Variants in ST18 observed in about 807,000 individuals in gnomAD.
The protein encoded by ST18 is ST18 C2H2C-type zinc finger transcription factor.
ST18 carries 50 observed loss-of-function variants against 110.0 expected under a neutral mutation model. That is an observed-to-expected ratio of 0.45 (90% CI 0.36 to 0.58). ST18 has a LOEUF of 0.58. Ranked by LOEUF, ST18 falls within the 20% of genes least tolerant of loss-of-function variation. The probability of loss-of-function intolerance (pLI) is 0.00; values close to 1 mark genes in which losing one functional copy is unlikely to be tolerated. For synonymous variants in ST18, 461 were observed against 452.4 expected (o/e 1.02, Z -0.24); for missense variants, 1,306 against 1,280.1 (o/e 1.02, Z -0.31).
rs749789390 is a variant in ST18 at position 52,354,015 on chromosome 8, C to T, written c.-465+55313G>A. On this transcript the variant is annotated intron_variant, in intron 2 of 25. Coordinates refer to ENST00000689386, the MANE Select transcript of ST18 (RefSeq NM_001352837.2). ...ACTCCACCTGCTGAACAGCGTCTTC[C>T]GAATCCAGGCCTTCACTCTCCCAGC... Among the ~76,000 whole-genome samples the T allele has an allele frequency of 4.5e-4, 69 of 152,356 alleles. 1 individual carries two copies. Among genetic ancestry groups the T allele is most frequent in the Middle Eastern group, 6.8e-3 (2 of 294 alleles).
At position 52,178,631 on chromosome 8, in the gene ST18, A is replaced by AC. The variant is rs1180881014; in HGVS notation, c.277+1490_277+1491insG. Among the ~76,000 whole-genome samples the AC allele has an allele frequency of 4.6e-4, 60 of 131,136 alleles. 8 individuals carry two copies. Among genetic ancestry groups the AC allele is most frequent in the African/African-American group, 2.0e-3 (59 of 29,086 alleles). The allele number at this position is 131,136 out of a possible 152,430, so 86.0% of individuals were successfully genotyped here. Reference sequence around the variant, plus strand: ...GACTCCATCAAAAAAAAAAAAAAAAAAAAAAAAAAAAACCACCAAAAACCA... The same window carrying AC: ...GACTCCATCAAAAAAAAAAAAAAAAACAAAAAAAAAAAACCACCAAAAACCA... On this transcript the variant is annotated intron_variant, in intron 9 of 25. Transcript: ENST00000689386.
At chr8:52,356,447 C>G (rs1025769625) in intron 2 of ST18, among the ~76,000 whole-genome samples, 2 of 152,242 alleles carry the variant, frequency 1.3e-5, no homozygotes, top group South Asian at 4.1e-4. Context: ...TGTCACTAAA[C>G]AAGCAAACAG....
chr8:52,127,812 TA>T (rs11295842), intron 22 of ST18, among the ~76,000 whole-genome samples: 43,702 of 143,672 alleles, frequency 0.3, 8,846 homozygotes, highest in African/African-American at 0.59. Context: ...AATCTTAAAT[TA>T]AAAAAAAAAA....
chr8:52,365,888 T>C (rs1232407431), intron 2 of ST18, among the ~76,000 whole-genome samples: 1 of 150,400 alleles, frequency 6.6e-6, no homozygotes, highest in African/African-American at 2.5e-5. Flanking sequence ...TTTGTAGAGA[T>C]AGGGGTCTCA....
chr8:52,394,559 TTA>T (rs1210876898), intron 2 of ST18, among the ~76,000 whole-genome samples: 1 of 151,774 alleles, frequency 6.6e-6, no homozygotes, highest in African/African-American at 2.4e-5. Context: ...CAAGAAAGAT[TTA>T]TTTTTATCCT....
At chr8:52,169,172 A>T (rs1428525539) in intron 10 of ST18, among the ~76,000 whole-genome samples, 7 of 152,152 alleles carry the variant, frequency 4.6e-5, no homozygotes, top group Non-Finnish European at 7.3e-5. Flanking sequence ...AGATGCAGGG[A>T]AATGCTCTGG....
At chr8:52,355,027 A>C (rs551663032) in intron 2 of ST18, among the ~76,000 whole-genome samples, 1 of 152,314 alleles carries the variant, frequency 6.6e-6, no homozygotes, top group East Asian at 1.9e-4. Context: ...GACTCCTCAT[A>C]GCTCTAGAGG....
At chr8:52,347,576 T>C (rs1273542926) in intron 2 of ST18, among the ~76,000 whole-genome samples, 1 of 152,228 alleles carries the variant, frequency 6.6e-6, no homozygotes, top group African/African-American at 2.4e-5. Context: ...TCCTCATTTT[T>C]CTTGTTGGTG....
At chr8:52,365,428 GGAGTT>G (rs1827476574) in intron 2 of ST18, among the ~76,000 whole-genome samples, 1 of 151,942 alleles carries the variant, frequency 6.6e-6, no homozygotes, top group Non-Finnish European at 1.5e-5. Flanking sequence ...ATAAAAATGA[GGAGTT>G]GAGTTAAGAG....
At chr8:52,223,908 T>C (rs1178621715) in intron 3 of ST18, among the ~76,000 whole-genome samples, 2 of 152,200 alleles carry the variant, frequency 1.3e-5, no homozygotes, top group Admixed American at 6.5e-5. Context: ...GTTCAGAATA[T>C]TGATACAGAC....
At chr8:52,348,571 C>T (rs1818785306) in intron 2 of ST18, among the ~76,000 whole-genome samples, 1 of 152,108 alleles carries the variant, frequency 6.6e-6, no homozygotes, top group African/African-American at 2.4e-5. Context: ...ATGGTGAAAC[C>T]CTCTATCTAC....
rs552652942 is a variant in ST18, at chr8:52,355,258, C to A, written c.-465+54070G>T. On this transcript the variant is annotated intron_variant, in intron 2 of 25. Coordinates refer to ENST00000689386, the MANE Select transcript of ST18 (RefSeq NM_001352837.2). Reference sequence around the variant, plus strand: ...GGAATGTTCCCACCTGGAGCCAGTGCCCTTATCTATAGACCATGCTTTGGT... The same window carrying A: ...GGAATGTTCCCACCTGGAGCCAGTGACCTTATCTATAGACCATGCTTTGGT... Among the ~76,000 whole-genome samples the A allele has an allele frequency of 2.1e-4, 32 of 152,308 alleles. No homozygotes were observed. The East Asian group carries it at 6.2e-3, about 29-fold the overall frequency.
chr8:52,286,184 C>G (rs1188366619), intron 2 of ST18, among the ~76,000 whole-genome samples: 2 of 152,158 alleles, frequency 1.3e-5, no homozygotes, highest in Non-Finnish European at 2.9e-5. Flanking sequence ...AGTGAATATT[C>G]CTTCACATGA....
chr8:52,338,038 C>G (rs1812950615), intron 2 of ST18, among the ~76,000 whole-genome samples: 1 of 152,098 alleles, frequency 6.6e-6, no homozygotes, highest in African/African-American at 2.4e-5. Flanking sequence ...CAAGGACTTC[C>G]TTTTAAATTT....
chr8:52,194,273 C>T (rs2075505036), intron 8 of ST18: 1 of 152,214 alleles, frequency 6.6e-6, no homozygotes, highest in African/African-American at 2.4e-5. Flanking sequence ...CCACTTCACA[C>T]TGGGTGAATA....
chr8:52,143,798 A>G (rs2056223048), intron 16 of ST18, among the ~76,000 whole-genome samples: 1 of 152,232 alleles, frequency 6.6e-6, no homozygotes, highest in South Asian at 2.1e-4. Context: ...TTTAGACAGA[A>G]AAGGGGGAAT....
At chr8:52,151,509 CA>C (rs2058800022) in intron 15 of ST18, among the ~76,000 whole-genome samples, 1 of 152,178 alleles carries the variant, frequency 6.6e-6, no homozygotes, top group African/African-American at 2.4e-5. Flanking sequence ...TTAGTAACCA[CA>C]ACATCTTATG....
chr8:52,358,685 A>G (rs914303587), intron 2 of ST18, among the ~76,000 whole-genome samples: 1 of 152,028 alleles, frequency 6.6e-6, no homozygotes, highest in Non-Finnish European at 1.5e-5. Flanking sequence ...TTTAGCAAGT[A>G]AAGAGATTGA....
chr8:52,325,782 T>C (rs1806053924), intron 2 of ST18, among the ~76,000 whole-genome samples: 1 of 152,328 alleles, frequency 6.6e-6, no homozygotes, highest in African/African-American at 2.4e-5. Flanking sequence ...ACTCTTTTTC[T>C]GTTATTACCC....
Sources: gnomAD v4.1 joint callset for allele counts (sites outside exome capture counted in the v4.1 genomes callset) on GRCh38, gnomAD v4.1.1 for gene constraint, MANE v1.5 for transcripts, NCBI Gene and HGNC (gene_info 2026-07-23, HGNC 2026-07-21) for gene names.